Variants in STPG4 observed in about 807,000 individuals in gnomAD.
The protein encoded by STPG4 is sperm-tail PG-rich repeat containing 4.
STPG4 carries 41 observed loss-of-function variants against 31.5 expected under a neutral mutation model. The observed-to-expected ratio is 1.30, with a 90% CI of 1.01 to 1.69. STPG4 has a LOEUF of 1.69. Among genes scored for constraint, STPG4 ranks in the 40% most tolerant of loss-of-function variants. The pLI is 0.00. For synonymous variants in STPG4, 141 were observed against 103.0 expected (o/e 1.37, Z -2.24); for missense variants, 375 against 293.4 (o/e 1.28, Z -2.03).
rs533432022 is a variant in STPG4, at chr2:47,119,089, A to C, written c.519+10852T>G. Among the ~76,000 whole-genome samples, 17 of 152,288 alleles carry C rather than the reference A, an allele frequency of 1.1e-4. No individual in the cohort carries two copies. The South Asian group carries it at 3.5e-3, about 32-fold the overall frequency. On this transcript the variant is annotated intron_variant, in intron 5 of 6. Transcript: ENST00000445927. ...TTCTCTCAGCAAACATTGCTTCTTT[A>C]CCACACCCACACTGCACGCCACCAT...
At chr2:47,140,224 G>A (rs1173003292) in intron 3 of STPG4, among the ~76,000 whole-genome samples, 2 of 152,156 alleles carry the variant, frequency 1.3e-5, no homozygotes, top group Non-Finnish European at 2.9e-5. Flanking sequence ...CTGGAGTTGG[G>A]TATTGCCCTT....
chr2:47,092,254 G>T (rs1685583000), intron 5 of STPG4, among the ~76,000 whole-genome samples: 1 of 149,512 alleles, frequency 6.7e-6, no homozygotes, highest in African/African-American at 2.5e-5. Flanking sequence ...AAGAGGCCAG[G>T]CATGGTGGCT....
At position 47,151,834 on chromosome 2, in the gene STPG4, A is replaced by G. The variant is rs188089242; in HGVS notation, c.142-319T>C. Among the ~76,000 whole-genome samples the G allele has an allele frequency of 1.5e-4, 22 of 151,542 alleles. No homozygotes were observed. The East Asian group carries it at 4.3e-3, about 29-fold the overall frequency. Reference sequence around the variant, plus strand: ...AGGCTCACTGCAAGCTCCGCCTCCCAGGTTCATGCCATTCTCCTGCCTCAG... The same window carrying G: ...AGGCTCACTGCAAGCTCCGCCTCCCGGGTTCATGCCATTCTCCTGCCTCAG... On this transcript the variant is annotated intron_variant, in intron 2 of 6. Coordinates refer to ENST00000445927, the MANE Select transcript of STPG4 (RefSeq NM_001163561.2).
At chr2:47,114,523 T>TA (rs1353920657) in intron 5 of STPG4, among the ~76,000 whole-genome samples, 2 of 151,966 alleles carry the variant, frequency 1.3e-5, no homozygotes, top group African/African-American at 4.8e-5. Context: ...AAAAATAAAA[T>TA]AATAAAAATA....
At chr2:47,144,567 G>A (rs1276345393) in intron 3 of STPG4, among the ~76,000 whole-genome samples, 3 of 151,848 alleles carry the variant, frequency 2.0e-5, no homozygotes, top group Non-Finnish European at 4.4e-5. Flanking sequence ...AATAAATGAT[G>A]TGTAAAGAAT....
At chr2:47,140,254 C>T (rs918823126) in intron 3 of STPG4, among the ~76,000 whole-genome samples, 1 of 152,106 alleles carries the variant, frequency 6.6e-6, no homozygotes, top group Non-Finnish European at 1.5e-5. Context: ...CAGTTAGGTC[C>T]TGATTGAATA....
At chr2:47,105,831 A>G (rs1406639121) in intron 5 of STPG4, among the ~76,000 whole-genome samples, 2 of 152,220 alleles carry the variant, frequency 1.3e-5, no homozygotes, top group East Asian at 3.9e-4. Context: ...ATCTAATCCT[A>G]CATGTCCATG....
chr2:47,135,953 G>A (rs910809605), intron 3 of STPG4, among the ~76,000 whole-genome samples: 1 of 152,098 alleles, frequency 6.6e-6, no homozygotes, highest in Non-Finnish European at 1.5e-5. Context: ...CTTCATCATT[G>A]TGTTGGCTAT....
chr2:47,091,759 A>T (rs1223441704), intron 5 of STPG4, among the ~76,000 whole-genome samples: 1 of 152,190 alleles, frequency 6.6e-6, no homozygotes, highest in East Asian at 1.9e-4. Context: ...GGAGTTTAAG[A>T]TGACATATAT....
intron 5 of STPG4, among the ~76,000 whole-genome samples, chr2:47,102,872 G>A (rs150586445): frequency 6.6e-6 from 1 of 151,744 alleles, no homozygotes; most frequent in Non-Finnish European, 1.5e-5. Flanking sequence ...GATCCTGATA[G>A]GTACATAGAT....
intron 5 of STPG4, among the ~76,000 whole-genome samples, chr2:47,103,489 G>T (rs1685842140): frequency 6.6e-6 from 1 of 151,902 alleles, no homozygotes; most frequent in Non-Finnish European, 1.5e-5. Context: ...AGGCCCAAAA[G>T]GAAAAGCGAG....
chr2:47,142,063 C>T (rs1240301166), intron 3 of STPG4, among the ~76,000 whole-genome samples: 1 of 151,122 alleles, frequency 6.6e-6, no homozygotes, highest in East Asian at 1.9e-4. Flanking sequence ...AGTCATTTTA[C>T]CATGGAGCAT....
intron 5 of STPG4, among the ~76,000 whole-genome samples, chr2:47,111,503 G>A (rs563152881): frequency 7.9e-5 from 12 of 152,298 alleles, no homozygotes; most frequent in African/African-American, 2.9e-4. Context: ...GTTTTGCTTT[G>A]TCCAGTTCTC....
intron 5 of STPG4, among the ~76,000 whole-genome samples, chr2:47,100,584 T>C (rs1685774522): frequency 6.6e-6 from 1 of 150,838 alleles, no homozygotes; most frequent in African/African-American, 2.5e-5. Context: ...TCGAGTCCCC[T>C]TCCACACTGT....
intron 3 of STPG4, among the ~76,000 whole-genome samples, 193 bp from the exon 4 acceptor site, chr2:47,130,453 T>A (rs181955348): frequency 1.3e-5 from 2 of 152,250 alleles, no homozygotes; most frequent in African/African-American, 4.8e-5. Context: ...TCGGTCTTCA[T>A]GGTGAATTTT....
At chr2:47,154,929 C>A (rs571127939) in intron 1 of STPG4, among the ~76,000 whole-genome samples, 37 of 151,822 alleles carry the variant, frequency 2.4e-4, no homozygotes, top group African/African-American at 8.9e-4. Context: ...ATACAGAAAA[C>A]AAAGGGCGAA....
At chr2:47,117,401 G>T (rs571904682) in intron 5 of STPG4, among the ~76,000 whole-genome samples, 1 of 152,134 alleles carries the variant, frequency 6.6e-6, no homozygotes, top group South Asian at 2.1e-4. Context: ...TAGAGATGGG[G>T]TTTCTCCATG....
chr2:47,117,075 A>T (rs975670888), intron 5 of STPG4, among the ~76,000 whole-genome samples: 4 of 152,146 alleles, frequency 2.6e-5, no homozygotes, highest in Admixed American at 1.3e-4. Flanking sequence ...CCTTGCCTTA[A>T]CCAAGCTTTC....
chr2:47,124,536 C>T (rs991213245), intron 5 of STPG4, among the ~76,000 whole-genome samples: 2 of 152,084 alleles, frequency 1.3e-5, no homozygotes, highest in Admixed American at 6.5e-5. Flanking sequence ...TTTGCCTTTC[C>T]GTGCATGGCT....
Sources: gnomAD v4.1 joint callset for allele counts (sites outside exome capture counted in the v4.1 genomes callset) on GRCh38, gnomAD v4.1.1 for gene constraint, MANE v1.5 for transcripts, NCBI Gene and HGNC (gene_info 2026-07-23, HGNC 2026-07-21) for gene names.